Variants in RNF217 observed in about 807,000 individuals in gnomAD.
The protein encoded by RNF217 is E3 ubiquitin-protein ligase RNF217.
RNF217 carries 31 observed loss-of-function variants against 57.8 expected under a neutral mutation model. The ratio of observed to expected loss-of-function variants is 0.54; its 90% confidence interval spans 0.40 to 0.72. The LOEUF (loss-of-function observed/expected upper bound fraction) is 0.72, where lower values mean the gene tolerates loss of function less well. Ranked by LOEUF, RNF217 falls within the 30% of genes least tolerant of loss-of-function variation. The pLI is 0.00. For missense variants in RNF217, 696 were observed against 708.3 expected (o/e 0.98, Z 0.20); for synonymous variants, 313 against 294.0 (o/e 1.06, Z -0.66).
intron 1 of RNF217, among the ~76,000 whole-genome samples, chr6:125,013,287 G>C (rs915761277): frequency 6.6e-6 from 1 of 151,544 alleles, no homozygotes; most frequent in Non-Finnish European, 1.5e-5. Flanking sequence ...GAAAAACAAA[G>C]CTAACATAAG....
At chr6:125,016,255 T>G (rs1309479602) in intron 1 of RNF217, among the ~76,000 whole-genome samples, 1 of 152,128 alleles carries the variant, frequency 6.6e-6, no homozygotes, top group Non-Finnish European at 1.5e-5. Flanking sequence ...AAACACCTAA[T>G]TGTAGGCAAG....
chr6:125,008,639 T>C (rs1785287720), intron 1 of RNF217: 1 of 152,322 alleles, frequency 6.6e-6, no homozygotes, highest in Admixed American at 6.5e-5. Context: ...CTTTGTGCAT[T>C]CAGGTCAGGT....
In RNF217 at chr6:125,076,683, T is replaced by A. The variant is rs754720797; in HGVS notation, c.1308T>A (p.Cys436Ter). Reference protein sequence around the residue: ...CKIHIQRTEGCDHMTCSQCNT... With the variant: ...CKIHIQRTEG ...TCCACATCCAGCGAACTGAAGGATG[T>A]GACCATATGACCTGCTCACAATGTA... The change falls in exon 4 of 6, where the codon TGT becomes TGA. Residue 436 changes from cysteine to a stop codon, truncating the protein, a stop_gained. Transcript: ENST00000521654. LOFTEE classifies it high-confidence loss of function. 6.2e-7 allele frequency: 1 copy of A among 1,612,678 alleles called. No individual in the cohort carries two copies.
At chr6:125,024,059 A>G (rs981476026) in intron 1 of RNF217, among the ~76,000 whole-genome samples, 1 of 152,194 alleles carries the variant, frequency 6.6e-6, no homozygotes, top group African/African-American at 2.4e-5. Context: ...AATTGCCAAG[A>G]GAGTAGATTT....
intron 1 of RNF217, among the ~76,000 whole-genome samples, chr6:124,964,990 T>C (rs933213698): frequency 2.6e-5 from 4 of 152,342 alleles, no homozygotes; most frequent in African/African-American, 9.6e-5. Context: ...GAGGTAGTCA[T>C]TGTGGCTTGG....
At chr6:124,996,586 T>C (rs562673044) in intron 1 of RNF217, 6 of 152,298 alleles carry the variant, frequency 3.9e-5, no homozygotes, top group African/African-American at 1.2e-4. Context: ...TCTGTTGACA[T>C]TGGCTCTTGA....
intron 2 of RNF217, among the ~76,000 whole-genome samples, chr6:125,051,541 G>A (rs1293302731): frequency 6.6e-6 from 1 of 152,014 alleles, no homozygotes; most frequent in African/African-American, 2.4e-5. Flanking sequence ...TCTACAATAT[G>A]CCTACCAGTT....
chr6:125,016,530 G>A (rs1785607768), intron 1 of RNF217, among the ~76,000 whole-genome samples: 1 of 152,040 alleles, frequency 6.6e-6, no homozygotes, highest in African/African-American at 2.4e-5. Flanking sequence ...AGTATTAACA[G>A]GGTTGGGACT....
At chr6:124,967,211 C>T (rs535915109) in intron 1 of RNF217, among the ~76,000 whole-genome samples, 3 of 152,294 alleles carry the variant, frequency 2.0e-5, no homozygotes, top group East Asian at 3.9e-4. Context: ...GGCTAAAGTA[C>T]GTAGTCCCAG....
chr6:124,973,634 C>A (rs1004551917), intron 1 of RNF217, among the ~76,000 whole-genome samples: 1 of 152,088 alleles, frequency 6.6e-6, no homozygotes, highest in South Asian at 2.1e-4. Context: ...TTCCACAATT[C>A]ATTTATTTAG....
At chr6:125,068,153 C>A (rs9491299) in intron 3 of RNF217, among the ~76,000 whole-genome samples, 6,191 of 152,002 alleles carry the variant, frequency 0.041, 390 homozygotes, top group African/African-American at 0.14. Context: ...AAAGAAGTAC[C>A]TGATCTGGGC....
Position 125,083,045 on chromosome 6 carries a change from A to AT in RNF217, c.*109dup, listed in dbSNP as rs1371744548. Reference sequence around the variant, plus strand: ...AAAACACTGAGAGGAACCTTCTACCATCTCATCTCCCAGTGATTCTCCGTG... The same window carrying AT: ...AAAACACTGAGAGGAACCTTCTACCATTCTCATCTCCCAGTGATTCTCCGTG... On this transcript the variant is annotated 3_prime_UTR_variant, in exon 6 of 6. Transcript: ENST00000521654. 4.4e-6 allele frequency: 3 copies of AT among 679,984 alleles called. No individual in the cohort carries two copies. Among genetic ancestry groups the AT allele is most frequent in the Non-Finnish European group, 7.1e-6 (3 of 419,934 alleles). The allele number at this position is 679,984 out of a possible 1,614,324, so 42.1% of individuals were successfully genotyped here.
At position 124,962,840 on chromosome 6, in the gene RNF217, A is replaced by G; in HGVS notation, c.296A>G (p.Gln99Arg). The part of the protein sequence containing the change: ...GLALTGPLNP[Q>R]TLPLQLELEE... The stretch of plus-strand genomic sequence containing the variant: ...GCACTCACCGGGCCTCTCAATCCCC[A>G]GACCTTGCCACTGCAGTTGGAGCTG... The change falls in exon 1 of 6, where the codon CAG (glutamine) becomes CGG (arginine). Residue 99 changes from glutamine (Q) to arginine (R), a missense_variant. Gln to Arg is a conservative substitution (Grantham distance 43). Coordinates refer to ENST00000521654, the MANE Select transcript of RNF217 (RefSeq NM_001286398.3). This position sits in a 1 kb window ranked among gnomAD's most constrained non-coding sequence, Gnocchi z 4.6. 6.3e-7 allele frequency: 1 copy of G among 1,597,952 alleles called. No homozygotes were observed. The highest frequency in any genetic ancestry group is 8.5e-7 in the Non-Finnish European group (1 of 1,179,626).
chr6:124,994,267 A>C (rs1784667092), intron 1 of RNF217, among the ~76,000 whole-genome samples: 1 of 152,140 alleles, frequency 6.6e-6, no homozygotes, highest in Admixed American at 6.6e-5. Flanking sequence ...CTTATGAACT[A>C]TTTTGTTGCG....
chr6:124,963,510 G>T (rs1783394822), intron 1 of RNF217, 84 bp downstream of exon 1: 2 of 1,402,254 alleles, frequency 1.4e-6, no homozygotes, highest in Non-Finnish European at 1.9e-6. Flanking sequence ...CTCCCTGCTC[G>T]CGCGAAGAGG....
rs953795154 is a variant in RNF217 at position 125,061,253 on chromosome 6, T to C, written c.1281+3147T>C. Among the ~76,000 whole-genome samples, 4 of 152,234 alleles carry C rather than the reference T, an allele frequency of 2.6e-5. No homozygotes were observed. The South Asian group carries it at 8.3e-4, about 32-fold the overall frequency. ...ATTTAGCACATATTGGCAATTTGCT[T>C]TCTAAAAGGAATGAATCAATTTATA... On this transcript the variant is annotated intron_variant, in intron 3 of 5. Coordinates refer to ENST00000521654, the MANE Select transcript of RNF217 (RefSeq NM_001286398.3).
At chr6:125,057,767 C>T (rs1787575951) in intron 2 of RNF217, among the ~76,000 whole-genome samples, 175 bp from the exon 3 acceptor site, 1 of 152,124 alleles carries the variant, frequency 6.6e-6, no homozygotes, top group African/African-American at 2.4e-5. Flanking sequence ...CTTGCCAAAG[C>T]AATTCTTTCC....
chr6:125,054,795 G>C (rs1359721661), intron 2 of RNF217, among the ~76,000 whole-genome samples: 1 of 152,120 alleles, frequency 6.6e-6, no homozygotes, highest in Non-Finnish European at 1.5e-5. Context: ...TGCACTTTTG[G>C]CTCTGAGGTC....
rs879328867 is a variant in RNF217, at chr6:125,084,051, A to T, written c.*1114A>T. The T allele has an allele frequency of 4.6e-5, 7 of 152,098 alleles. No homozygotes were observed. Among genetic ancestry groups the T allele is most frequent in the Admixed American group, 4.6e-4 (7 of 15,252 alleles). The allele number at this position is 152,098 out of a possible 1,614,324, so 9.4% of individuals were successfully genotyped here. ...ATTATAGATAATTCTGCTTTAGGTC[A>T]AGGTCTTACATCATTTAATATCCTA... On this transcript the variant is annotated 3_prime_UTR_variant, in exon 6 of 6. Coordinates refer to ENST00000521654, the MANE Select transcript of RNF217 (RefSeq NM_001286398.3).
Sources: gnomAD v4.1 joint callset for allele counts (sites outside exome capture counted in the v4.1 genomes callset) on GRCh38, gnomAD v4.1.1 for gene constraint, Gnocchi (gnomAD v3.1) non-coding constraint, MANE v1.5 for transcripts, NCBI Gene and HGNC (gene_info 2026-07-23, HGNC 2026-07-21) for gene names.